The following C14orf132 variants were observed in gnomAD, a reference collection of about 807,000 sequenced individuals.
The protein encoded by C14orf132 is chromosome 14 open reading frame 132, also known as uncharacterized protein C14orf132.
A neutral mutation model predicts 5.8 loss-of-function variants in C14orf132; 6 were observed. The observed-to-expected ratio is 1.03, with a 90% CI of 0.57 to 2.04. C14orf132 has a LOEUF of 2.04. Among genes scored for constraint, C14orf132 ranks in the 30% most tolerant of loss-of-function variants. C14orf132 has a pLI of 0.00. For synonymous variants in C14orf132, 51 were observed against 49.8 expected (o/e 1.02, Z -0.10); for missense variants, 125 against 115.8 (o/e 1.08, Z -0.37).
chr14:96,039,556 G>A lies in C14orf132; in HGVS notation c.27+29G>A, dbSNP rs984158259. The stretch of plus-strand genomic sequence containing the variant: ...ACGGGGCGTCCCCCCCACGCGCCCC[G>A]GGCCGCCAAGTTTGGGGAGGTTCGG... On this transcript the variant is annotated intron_variant, in intron 1 of 1. Transcript: ENST00000555004. This position sits in a 1 kb window ranked among gnomAD's most constrained non-coding sequence, Gnocchi z 5.3. 5 of 1,495,352 alleles carry A rather than the reference G, an allele frequency of 3.3e-6. No homozygotes were observed. The highest frequency in any genetic ancestry group is 2.9e-5 in the African/African-American group (2 of 69,710). 92.6% of individuals were successfully genotyped at this position (1,495,352 alleles called of 1,614,324 possible).
At chr14:96,053,315 A>G (rs531104381) in intron 1 of C14orf132, among the ~76,000 whole-genome samples, 1 of 152,308 alleles carries the variant, frequency 6.6e-6, no homozygotes, top group Admixed American at 6.5e-5. Context: ...AACAAGCACT[A>G]AATTCCCTGC....
At chr14:96,083,720 C>T (rs1046545096) in intron 1 of C14orf132, among the ~76,000 whole-genome samples, 1 of 152,188 alleles carries the variant, frequency 6.6e-6, no homozygotes, top group African/African-American at 2.4e-5. Context: ...GCCAACACTT[C>T]GATTTTAGTC....
chr14:96,059,250 C>G (rs974636003), intron 1 of C14orf132, among the ~76,000 whole-genome samples: 1 of 152,140 alleles, frequency 6.6e-6, no homozygotes, highest in African/African-American at 2.4e-5. Flanking sequence ...GCAGCACTGC[C>G]CTCCAGCCTA....
chr14:96,086,221 G>A (rs981026209), intron 1 of C14orf132, among the ~76,000 whole-genome samples: 2 of 152,168 alleles, frequency 1.3e-5, no homozygotes, highest in Non-Finnish European at 2.9e-5. Flanking sequence ...GGGAATGGCT[G>A]GAGGGGTTGC....
intron 1 of C14orf132, among the ~76,000 whole-genome samples, chr14:96,084,287 G>A (rs1888114612): frequency 6.6e-6 from 1 of 152,152 alleles, no homozygotes; most frequent in South Asian, 2.1e-4. Flanking sequence ...GGGTCGCGGG[G>A]GGATGTGGGG....
chr14:96,054,268 G>A (rs1413982385), intron 1 of C14orf132, among the ~76,000 whole-genome samples: 1 of 152,172 alleles, frequency 6.6e-6, no homozygotes, highest in African/African-American at 2.4e-5. Flanking sequence ...GGTCTCCCTG[G>A]GCTACAGCAT....
rs1263641618 is a variant in C14orf132, at chr14:96,093,537, A to G, written c.*6802A>G. The G allele has an allele frequency of 6.6e-6, 1 of 152,220 alleles. No homozygotes were observed. The highest frequency in any genetic ancestry group is 2.4e-5 in the African/African-American group (1 of 41,460). The allele number at this position is 152,220 out of a possible 1,614,324, so 9.4% of individuals were successfully genotyped here. A position where few individuals can be genotyped will look rare whatever the true frequency, so the allele number is the denominator to read the frequency against. Reference sequence around the variant, plus strand: ...TCTTTTGCAGAAACCTTACTATTATAACTTGCTACTCTCCAGATACCAATT... The same window carrying G: ...TCTTTTGCAGAAACCTTACTATTATGACTTGCTACTCTCCAGATACCAATT... On this transcript the variant is annotated 3_prime_UTR_variant, in exon 2 of 2. Coordinates refer to ENST00000555004, the MANE Select transcript of C14orf132 (RefSeq NM_001252507.3).
intron 1 of C14orf132, among the ~76,000 whole-genome samples, chr14:96,064,391 C>CAG (rs1887462373): frequency 6.7e-6 from 1 of 149,324 alleles, no homozygotes; most frequent in Non-Finnish European, 1.5e-5. Context: ...CACACACACA[C>CAG]ACATATACAT....
At chr14:96,057,852 T>C (rs1335549193) in intron 1 of C14orf132, among the ~76,000 whole-genome samples, 1 of 152,182 alleles carries the variant, frequency 6.6e-6, no homozygotes, top group Non-Finnish European at 1.5e-5. Flanking sequence ...GAGAACCATG[T>C]GGAGGCACTG....
chr14:96,069,941 A>G (rs545607645), intron 1 of C14orf132, among the ~76,000 whole-genome samples: 3 of 152,296 alleles, frequency 2.0e-5, no homozygotes, highest in Admixed American at 6.5e-5. Flanking sequence ...GCTCATTAGC[A>G]TTTCTTCCAG....
chr14:96,067,032 T>C (rs758825049), intron 1 of C14orf132, among the ~76,000 whole-genome samples: 1 of 152,162 alleles, frequency 6.6e-6, no homozygotes, highest in Non-Finnish European at 1.5e-5. Flanking sequence ...TATCTCATGC[T>C]GAGCTGTTGT....
chr14:96,045,010 C>T (rs985449415), intron 1 of C14orf132, among the ~76,000 whole-genome samples: 10 of 152,164 alleles, frequency 6.6e-5, no homozygotes, highest in Non-Finnish European at 1.5e-4. Context: ...CATCTTGGCC[C>T]TCATATTAGC....
chr14:96,082,596 G>A (rs1253564561), intron 1 of C14orf132, among the ~76,000 whole-genome samples: 3 of 152,160 alleles, frequency 2.0e-5, no homozygotes, highest in East Asian at 1.9e-4. Context: ...CCTCTCAGCC[G>A]CCTGTCTCAG....
At chr14:96,047,970 C>T (rs1233362853) in intron 1 of C14orf132, among the ~76,000 whole-genome samples, 1 of 152,152 alleles carries the variant, frequency 6.6e-6, no homozygotes, top group Non-Finnish European at 1.5e-5. Flanking sequence ...GGTGGATCAC[C>T]TGATGTCAGG....
At chr14:96,050,480 T>G (rs115950862) in intron 1 of C14orf132, among the ~76,000 whole-genome samples, 106 of 152,246 alleles carry the variant, frequency 7.0e-4, no homozygotes, top group African/African-American at 2.4e-3. Context: ...CTATAATTTT[T>G]TGGGTGATTC....
At chr14:96,081,979 C>A (rs1888044555) in intron 1 of C14orf132, among the ~76,000 whole-genome samples, 1 of 152,146 alleles carries the variant, frequency 6.6e-6, no homozygotes, top group Admixed American at 6.5e-5. Flanking sequence ...ACAAGCCCCC[C>A]TCGCCCCCCA....
At chr14:96,055,019 T>C (rs973554160) in intron 1 of C14orf132, among the ~76,000 whole-genome samples, 7 of 152,228 alleles carry the variant, frequency 4.6e-5, no homozygotes, top group African/African-American at 1.7e-4. Context: ...AGCACAGATA[T>C]GTCAAGAACT....
chr14:96,086,835 G>A lies in C14orf132; in HGVS notation c.*100G>A. The A allele has an allele frequency of 8.3e-7, 1 of 1,204,196 alleles. No individual in the cohort carries two copies. The highest frequency in any genetic ancestry group is 1.1e-6 in the Non-Finnish European group (1 of 874,236). 74.6% of individuals were successfully genotyped at this position (1,204,196 alleles called of 1,614,324 possible). A position where few individuals can be genotyped will look rare whatever the true frequency, so the allele number is the denominator to read the frequency against. On this transcript the variant is annotated 3_prime_UTR_variant, in exon 2 of 2. Coordinates refer to ENST00000555004, the MANE Select transcript of C14orf132 (RefSeq NM_001252507.3). ...CCTGTGTTCTAGAACCAGGAGTTTTGACCAGGGGCGGCGGCCGTCCTTCTG... is the reference window on the plus strand; with the variant it reads ...CCTGTGTTCTAGAACCAGGAGTTTTAACCAGGGGCGGCGGCCGTCCTTCTG...
At chr14:96,051,285 G>A in intron 1 of C14orf132, 2 of 398,524 alleles carry the variant, frequency 5.0e-6, no homozygotes, top group African/African-American at 2.1e-5. Flanking sequence ...CAGGTGTGGG[G>A]TCTGCAGACC....
Sources: gnomAD v4.1 joint callset for allele counts (sites outside exome capture counted in the v4.1 genomes callset) on GRCh38, gnomAD v4.1.1 for gene constraint, Gnocchi (gnomAD v3.1) non-coding constraint, MANE v1.5 for transcripts, NCBI Gene and HGNC (gene_info 2026-07-23, HGNC 2026-07-21) for gene names.